The following ALK variants were observed in gnomAD, a reference collection of about 807,000 sequenced individuals.
ALK encodes ALK tyrosine kinase receptor.
In ALK, 74 loss-of-function variants were observed where a neutral mutation model predicts 163.1. The observed-to-expected ratio is 0.45, with a 90% CI of 0.38 to 0.55. The LOEUF is 0.55. ALK is among the 20% of genes least tolerant of loss of function. The pLI is 0.00. For synonymous variants in ALK, 960 were observed against 843.2 expected (o/e 1.14, Z -2.40); for missense variants, 2,063 against 2,105.3 (o/e 0.98, Z 0.39).
chr2:29,681,872 T>C (rs1678081643), intron 3 of ALK, among the ~76,000 whole-genome samples: 1 of 152,154 alleles, frequency 6.6e-6, no homozygotes, highest in Non-Finnish European at 1.5e-5. Flanking sequence ...CAGAACCCAG[T>C]TGATCCAGCT....
At chr2:29,650,993 C>T (rs1309189019) in intron 3 of ALK, among the ~76,000 whole-genome samples, 4 of 152,042 alleles carry the variant, frequency 2.6e-5, no homozygotes, top group Admixed American at 6.6e-5. Flanking sequence ...TGCTAGTCGC[C>T]GCACGGTGAC....
chr2:29,745,710 C>A (rs745803593), intron 1 of ALK, among the ~76,000 whole-genome samples: 4 of 152,202 alleles, frequency 2.6e-5, no homozygotes, highest in Non-Finnish European at 5.9e-5. Flanking sequence ...CCCATCACTG[C>A]CCATGGTTTG....
At chr2:29,554,014 T>A (rs906818573) in intron 3 of ALK, among the ~76,000 whole-genome samples, 1 of 152,240 alleles carries the variant, frequency 6.6e-6, no homozygotes, top group African/African-American at 2.4e-5. Context: ...CATTTAGTTT[T>A]GTTTTTAATG....
chr2:29,843,672 T>C (rs569556059), intron 1 of ALK, among the ~76,000 whole-genome samples: 1 of 152,160 alleles, frequency 6.6e-6, no homozygotes, highest in South Asian at 2.1e-4. Context: ...ATTGATTTAC[T>C]TAAAGGACAA....
At chr2:29,644,719 C>G (rs1481983450) in intron 3 of ALK, among the ~76,000 whole-genome samples, 1 of 56,204 alleles carries the variant, frequency 1.8e-5, no homozygotes, top group East Asian at 4.5e-4. Context: ...AGATGGAAGA[C>G]CTTAAAAAAA....
chr2:29,730,135 T>TA (rs1679695544), intron 1 of ALK, among the ~76,000 whole-genome samples: 1 of 152,204 alleles, frequency 6.6e-6, no homozygotes, highest in Non-Finnish European at 1.5e-5. Context: ...GACCTGCCAT[T>TA]AAATGCGGCA....
At chr2:29,457,576 G>A (rs934628341) in intron 4 of ALK, among the ~76,000 whole-genome samples, 1 of 152,098 alleles carries the variant, frequency 6.6e-6, no homozygotes, top group Non-Finnish European at 1.5e-5. Flanking sequence ...AGGTCTGGGC[G>A]TGACTCTTTG....
At chr2:29,255,121 C>A (rs1664919480) in intron 11 of ALK, among the ~76,000 whole-genome samples, 1 of 152,176 alleles carries the variant, frequency 6.6e-6, no homozygotes, top group Non-Finnish European at 1.5e-5. Context: ...TGGCTCTGAC[C>A]CTCATAAATC....
intron 5 of ALK, among the ~76,000 whole-genome samples, chr2:29,383,514 G>T (rs961015676): frequency 1.3e-5 from 2 of 152,048 alleles, no homozygotes; most frequent in African/African-American, 4.8e-5. Context: ...ACAGGGTTTT[G>T]CCATGTTGGC....
At chr2:29,219,752 C>T (rs556804735) in intron 23 of ALK, among the ~76,000 whole-genome samples, 4 of 152,250 alleles carry the variant, frequency 2.6e-5, no homozygotes, top group African/African-American at 9.6e-5. Context: ...GTGAGGATAC[C>T]CAGGTTAAAG....
chr2:29,475,893 A>C (rs7592354), intron 4 of ALK, among the ~76,000 whole-genome samples: 2,081 of 152,272 alleles, frequency 0.014, 25 homozygotes, highest in African/African-American at 0.03. Flanking sequence ...TGTCTATAAA[A>C]TCCCAGACAG....
intron 2 of ALK, among the ~76,000 whole-genome samples, chr2:29,717,077 C>T (rs1364401541): frequency 7.0e-6 from 1 of 142,520 alleles, no homozygotes; most frequent in Non-Finnish European, 1.5e-5. Context: ...GAGGCTGAGG[C>T]AGGAGAATGG....
rs141745522 is a variant in ALK, at chr2:29,547,690, G to T, written c.953-15574C>A. On this transcript the variant is annotated intron_variant, in intron 3 of 28. Coordinates refer to ENST00000389048, the MANE Select transcript of ALK (RefSeq NM_004304.5). ...GGATTTCATAGGCTGGCTCACTCAG[G>T]TCCCCAACCAACTTCCTTCTCTCTT... 9.2e-5 allele frequency among the ~76,000 whole-genome samples: 14 copies of T among 152,294 alleles called. No homozygotes were observed. The East Asian group carries it at 2.7e-3, about 29-fold the overall frequency.
chr2:29,906,937 GTTTTTTTTTTTTTTT>G (rs70962250), intron 1 of ALK, among the ~76,000 whole-genome samples: 6 of 80,012 alleles, frequency 7.5e-5, no homozygotes, highest in Admixed American at 1.9e-4. Context: ...TACATTTAAG[GTTTTTTTTTTTTTTT>G]TTTTTTTTTT....
At position 29,239,771 on chromosome 2, in the gene ALK, T is replaced by A. The variant is rs375480327; in HGVS notation, c.2264A>T (p.His755Leu). ...KGGKNTMMRS[H>L]GVSVLGIFNL... ...GAAGATGCCCAGCACAGACACGCCG[T>A]GGGACCGCATCATGGTGTTCTTCCC... The change falls in exon 13 of 29, where the codon CAC (histidine) becomes CTC (leucine). Residue 755 changes from histidine (H) to leucine (L), a missense_variant. His to Leu is a moderately conservative substitution (Grantham distance 99). Coordinates refer to ENST00000389048, the MANE Select transcript of ALK (RefSeq NM_004304.5). 4.3e-6 allele frequency: 7 copies of A among 1,613,948 alleles called. No homozygotes were observed. The highest frequency in any genetic ancestry group is 5.9e-6 in the Non-Finnish European group (7 of 1,180,044).
intron 2 of ALK, among the ~76,000 whole-genome samples, chr2:29,697,704 T>C (rs1303570613): frequency 6.6e-6 from 1 of 152,238 alleles, no homozygotes; most frequent in Non-Finnish European, 1.5e-5. Flanking sequence ...CAGGCATGAC[T>C]AGTTACCTCT....
intron 4 of ALK, among the ~76,000 whole-genome samples, chr2:29,384,526 G>C (rs553328159): frequency 6.6e-6 from 1 of 152,284 alleles, no homozygotes; most frequent in Non-Finnish European, 1.5e-5. Context: ...CACTGTCAGA[G>C]AATAGAGAAT....
chr2:29,865,771 A>G (rs928235284), intron 1 of ALK, among the ~76,000 whole-genome samples: 2 of 152,204 alleles, frequency 1.3e-5, no homozygotes, highest in Admixed American at 6.5e-5. Flanking sequence ...GTGGGAAGTC[A>G]CCTAACATTC....
intron 1 of ALK, among the ~76,000 whole-genome samples, chr2:29,876,677 C>G (rs570922097): frequency 8.6e-6 from 1 of 116,326 alleles, no homozygotes; most frequent in African/African-American, 3.8e-5. Context: ...ATGATGGTAA[C>G]GATGGTGATA....
Sources: allele counts gnomAD v4.1 joint callset (sites outside exome capture counted in the v4.1 genomes callset), GRCh38; gene constraint gnomAD v4.1.1; transcripts MANE v1.5; gene names NCBI Gene and HGNC (gene_info 2026-07-23, HGNC 2026-07-21).